The following KCND2 variants were observed in gnomAD, a reference collection of about 807,000 sequenced individuals.
KCND2 encodes A-type voltage-gated potassium channel KCND2.
Under a neutral mutation model 54.4 loss-of-function variants are expected in KCND2, and 16 were observed. The observed-to-expected ratio is 0.29, with a 90% CI of 0.20 to 0.45. The LOEUF (loss-of-function observed/expected upper bound fraction) is 0.45, where lower values mean the gene tolerates loss of function less well. KCND2 is among the 20% of genes least tolerant of loss of function. KCND2 has a pLI of 1.00. For synonymous variants in KCND2, 317 were observed against 310.7 expected, an observed-to-expected ratio of 1.02 and a Z score of -0.21; for missense variants, 486 against 824.2, an observed-to-expected ratio of 0.59 and a Z score of 5.02.
chr7:120,504,420 A>G (rs1337156399), intron 1 of KCND2, among the ~76,000 whole-genome samples: 1 of 151,934 alleles, frequency 6.6e-6, no homozygotes, highest in Non-Finnish European at 1.5e-5. Context: ...ATGTGGATCT[A>G]TTTTTATCAT....
At chr7:120,635,567 T>G (rs1793294625) in intron 1 of KCND2, among the ~76,000 whole-genome samples, 1 of 152,226 alleles carries the variant, frequency 6.6e-6, no homozygotes, top group African/African-American at 2.4e-5. Flanking sequence ...AGGTGAGTGT[T>G]TATTACTTCC....
intron 1 of KCND2, among the ~76,000 whole-genome samples, chr7:120,430,636 CAAA>C: frequency 6.6e-6 from 1 of 152,032 alleles, no homozygotes; most frequent in East Asian, 1.9e-4. Context: ...GGTATAGTAT[CAAA>C]GAAGAATGCT....
chr7:120,362,471 C>T (rs889370115), intron 1 of KCND2, among the ~76,000 whole-genome samples: 4 of 151,976 alleles, frequency 2.6e-5, no homozygotes, highest in Non-Finnish European at 5.9e-5. Flanking sequence ...CAGTGGTGAC[C>T]CTATGCTAAA....
chr7:120,526,815 G>A (rs1353418844), intron 1 of KCND2, among the ~76,000 whole-genome samples: 1 of 151,888 alleles, frequency 6.6e-6, no homozygotes, highest in Admixed American at 6.6e-5. Flanking sequence ...AGAGAACTCT[G>A]ATTTTTTTCA....
At chr7:120,293,535 A>G (rs1799467168) in intron 1 of KCND2, among the ~76,000 whole-genome samples, 1 of 151,952 alleles carries the variant, frequency 6.6e-6, no homozygotes, top group South Asian at 2.1e-4. Flanking sequence ...AAGCCTATTA[A>G]GACAACTGGG....
chr7:120,662,405 T>C (rs1164085848), intron 1 of KCND2, among the ~76,000 whole-genome samples: 1 of 152,164 alleles, frequency 6.6e-6, no homozygotes, highest in African/African-American at 2.4e-5. Context: ...AAGTTCTACA[T>C]AACTAAGTCA....
intron 1 of KCND2, among the ~76,000 whole-genome samples, chr7:120,436,144 A>G (rs765932489): frequency 2.0e-5 from 3 of 152,228 alleles, no homozygotes; most frequent in Non-Finnish European, 2.9e-5. Context: ...TATTATTGCT[A>G]CTGTATATTT....
At chr7:120,596,060 T>C (rs771340348) in intron 1 of KCND2, among the ~76,000 whole-genome samples, 1 of 152,136 alleles carries the variant, frequency 6.6e-6, no homozygotes, top group Non-Finnish European at 1.5e-5. Flanking sequence ...TTCAGCCTCT[T>C]TATTACTGTG....
intron 1 of KCND2, among the ~76,000 whole-genome samples, chr7:120,625,109 T>G (rs1793148998): frequency 6.6e-6 from 1 of 152,176 alleles, no homozygotes; most frequent in Admixed American, 6.5e-5. Context: ...TATTAACATC[T>G]GACTATAGTA....
chr7:120,643,777 A>G (rs1288265706), intron 1 of KCND2, among the ~76,000 whole-genome samples: 2 of 151,692 alleles, frequency 1.3e-5, no homozygotes, highest in Non-Finnish European at 2.9e-5. Flanking sequence ...AATCTAAACT[A>G]TTTTAACCAT....
At chr7:120,671,459 G>GTCTA (rs1791992825) in intron 1 of KCND2, among the ~76,000 whole-genome samples, 2 of 152,030 alleles carry the variant, frequency 1.3e-5, no homozygotes, top group Non-Finnish European at 2.9e-5. Flanking sequence ...GGCCCGGGAG[G>GTCTA]TGGGGACCTC....
intron 1 of KCND2, among the ~76,000 whole-genome samples, chr7:120,687,392 A>G (rs1197765359): frequency 6.6e-6 from 1 of 152,166 alleles, no homozygotes; most frequent in Admixed American, 6.5e-5. Flanking sequence ...GTACACTAAA[A>G]ATTTTGTTAA....
intron 1 of KCND2, among the ~76,000 whole-genome samples, chr7:120,562,262 C>T: frequency 6.6e-6 from 1 of 151,682 alleles, no homozygotes; most frequent in South Asian, 2.1e-4. Flanking sequence ...AATAAGACAA[C>T]AAAATTAACT....
intron 1 of KCND2, among the ~76,000 whole-genome samples, chr7:120,330,997 G>A (rs1369779150): frequency 6.6e-6 from 1 of 152,030 alleles, no homozygotes; most frequent in Non-Finnish European, 1.5e-5. Flanking sequence ...AGAAAATGAA[G>A]TTGAAAATGT....
chr7:120,465,023 A>G (rs1325605537), intron 1 of KCND2, among the ~76,000 whole-genome samples: 2 of 152,234 alleles, frequency 1.3e-5, no homozygotes, highest in Non-Finnish European at 2.9e-5. Flanking sequence ...GTAAGATAAC[A>G]TAATCATCAG....
At chr7:120,380,925 A>T (rs1236383781) in intron 1 of KCND2, among the ~76,000 whole-genome samples, 1 of 152,108 alleles carries the variant, frequency 6.6e-6, no homozygotes, top group Non-Finnish European at 1.5e-5. Context: ...TTGGTTGAAT[A>T]AATTATTTTA....
chr7:120,378,135 A>G (rs936378104), intron 1 of KCND2, among the ~76,000 whole-genome samples: 2 of 151,918 alleles, frequency 1.3e-5, no homozygotes, highest in East Asian at 3.9e-4. Context: ...TTCTGTATGT[A>G]TATACGTGTG....
At chr7:120,401,377 C>T (rs1167229337) in intron 1 of KCND2, among the ~76,000 whole-genome samples, 2 of 152,096 alleles carry the variant, frequency 1.3e-5, no homozygotes, top group South Asian at 2.1e-4. Context: ...GTTAGATATG[C>T]TTTTGAGGTA....
chr7:120,532,925 A>G (rs1791859911), intron 1 of KCND2, among the ~76,000 whole-genome samples: 1 of 152,088 alleles, frequency 6.6e-6, no homozygotes, highest in African/African-American at 2.4e-5. Context: ...ATAAATGCAT[A>G]TGTAAACACA....
Sources: allele counts gnomAD v4.1 joint callset (sites outside exome capture counted in the v4.1 genomes callset), GRCh38; gene constraint gnomAD v4.1.1; transcripts MANE v1.5; gene names NCBI Gene and HGNC (gene_info 2026-07-23, HGNC 2026-07-21).